The following C1QTNF7 variants were observed in gnomAD, a reference collection of about 807,000 sequenced individuals.
The protein encoded by C1QTNF7 is C1q and TNF related 7, also known as complement C1q tumor necrosis factor-related protein 7.
In C1QTNF7, 15 loss-of-function variants were observed where a neutral mutation model predicts 19.6. That is an observed-to-expected ratio of 0.76 (90% CI 0.51 to 1.18). The LOEUF (loss-of-function observed/expected upper bound fraction) is 1.18. Ranked by LOEUF, C1QTNF7 falls within the 50% of genes most tolerant of loss-of-function variation. C1QTNF7 has a pLI of 0.00. For synonymous variants in C1QTNF7, 142 were observed against 137.5 expected (o/e 1.03, Z -0.23); for missense variants, 324 against 359.7 (o/e 0.90, Z 0.80).
At chr4:15,430,485 C>A (rs1712254336) in intron 1 of C1QTNF7, among the ~76,000 whole-genome samples, 1 of 152,114 alleles carries the variant, frequency 6.6e-6, no homozygotes, top group African/African-American at 2.4e-5. Flanking sequence ...CTCATGAATT[C>A]AATTCAATGT....
At chr4:15,350,199 G>GAGGA (rs1259364931) in intron 1 of C1QTNF7, among the ~76,000 whole-genome samples, 6 of 109,852 alleles carry the variant, frequency 5.5e-5, no homozygotes, top group East Asian at 3.4e-4. Flanking sequence ...GGAAGGAAGG[G>GAGGA]AAGAAGGAAG....
At chr4:15,375,687 G>A (rs887102817) in intron 1 of C1QTNF7, among the ~76,000 whole-genome samples, 1 of 152,078 alleles carries the variant, frequency 6.6e-6, no homozygotes, top group Non-Finnish European at 1.5e-5. Flanking sequence ...TATGTCCCGA[G>A]TCCTCACACT....
chr4:15,375,054 T>C (rs1403399362), intron 1 of C1QTNF7, among the ~76,000 whole-genome samples: 1 of 151,814 alleles, frequency 6.6e-6, no homozygotes, highest in Non-Finnish European at 1.5e-5. Context: ...TAGCTATAGA[T>C]CCATACTCAA....
At chr4:15,426,854 C>T (rs1712075190), upstream of C1QTNF7, among the ~76,000 whole-genome samples, 1 of 152,186 alleles carries the variant, frequency 6.6e-6, no homozygotes, top group Admixed American at 6.5e-5. Context: ...CAGACACCAT[C>T]ATTTGGTTCG....
intron 1 of C1QTNF7, among the ~76,000 whole-genome samples, chr4:15,389,024 A>G (rs1318424357): frequency 2.0e-5 from 3 of 152,192 alleles, no homozygotes; most frequent in Non-Finnish European, 4.4e-5. Context: ...GGGGTGCAGG[A>G]GAGGAGGTGT....
chr4:15,416,180 G>T (rs1481988061), intron 1 of C1QTNF7, among the ~76,000 whole-genome samples: 1 of 152,124 alleles, frequency 6.6e-6, no homozygotes, highest in Non-Finnish European at 1.5e-5. Flanking sequence ...AAATGTGCCT[G>T]CTCTTTAATT....
chr4:15,412,933 C>T (rs1480377759), intron 1 of C1QTNF7, among the ~76,000 whole-genome samples: 7 of 152,172 alleles, frequency 4.6e-5, no homozygotes, highest in African/African-American at 2.4e-5. Context: ...GACTGTTCAC[C>T]TAACCCATTT....
intron 1 of C1QTNF7, among the ~76,000 whole-genome samples, chr4:15,364,315 T>A (rs773561621): frequency 5.3e-5 from 8 of 152,218 alleles, no homozygotes; most frequent in Non-Finnish European, 1.2e-4. Flanking sequence ...GTCTGTTGAA[T>A]GAATGAATCT....
At chr4:15,433,298 G>A (rs755646056) in intron 1 of C1QTNF7, among the ~76,000 whole-genome samples, 3 of 151,928 alleles carry the variant, frequency 2.0e-5, no homozygotes, top group Admixed American at 1.3e-4. Context: ...GATTACAGAC[G>A]TGAGCCACCA....
chr4:15,441,429 T>A (rs936307035), intron 2 of C1QTNF7, among the ~76,000 whole-genome samples: 8 of 152,252 alleles, frequency 5.3e-5, no homozygotes, highest in African/African-American at 1.9e-4. Flanking sequence ...TAATTTTGAT[T>A]AATTCTCTTA....
At chr4:15,434,854 T>C (rs1327675708) in intron 1 of C1QTNF7, among the ~76,000 whole-genome samples, 1 of 152,176 alleles carries the variant, frequency 6.6e-6, no homozygotes, top group African/African-American at 2.4e-5. Context: ...GCCCCAGTGC[T>C]AACAGCTTAA....
Position 15,413,593 on chromosome 4 carries a change from T to C in C1QTNF7, c.14-22143T>C, listed in dbSNP as rs114126733. Among the ~76,000 whole-genome samples the C allele has an allele frequency of 2.8e-3, 431 of 152,334 alleles. 2 individuals carry two copies. Among genetic ancestry groups the C allele is most frequent in the African/African-American group, 0.01 (418 of 41,578 alleles). On this transcript the variant is annotated intron_variant, in intron 1 of 2. Coordinates refer to the C1QTNF7 transcript ENST00000295297. ...TCTTTAAAAACTGATTTCTAACCAA[T>C]TTGTTGAGCTCTTTACTGCTGTACT...
intron 1 of C1QTNF7, among the ~76,000 whole-genome samples, chr4:15,364,768 G>A (rs955685572): frequency 6.6e-6 from 1 of 152,104 alleles, no homozygotes; most frequent in African/African-American, 2.4e-5. Flanking sequence ...TCATCCCATT[G>A]CATCAGTGGG....
intron 1 of C1QTNF7, among the ~76,000 whole-genome samples, chr4:15,361,827 A>G (rs1717354226): frequency 6.6e-6 from 1 of 152,182 alleles, no homozygotes; most frequent in Non-Finnish European, 1.5e-5. Context: ...GTTACATTTA[A>G]TTCCTTGAAA....
intron 1 of C1QTNF7, among the ~76,000 whole-genome samples, chr4:15,357,911 A>G (rs994738661): frequency 1.3e-5 from 2 of 152,160 alleles, no homozygotes; most frequent in Non-Finnish European, 2.9e-5. Context: ...ATAGGAATGC[A>G]TGTAATTTTT....
At chr4:15,393,867 C>A (rs1329621724) in intron 1 of C1QTNF7, among the ~76,000 whole-genome samples, 3 of 152,182 alleles carry the variant, frequency 2.0e-5, no homozygotes. Context: ...GTGAACCAGA[C>A]AGAAACTCTG....
At chr4:15,433,334 G>T (rs1712408195) in intron 1 of C1QTNF7, among the ~76,000 whole-genome samples, 1 of 151,890 alleles carries the variant, frequency 6.6e-6, no homozygotes, top group African/African-American at 2.4e-5. Context: ...TTCTGGGGAG[G>T]GGGGTGACTT....
chr4:15,433,470 T>A (rs556030307), intron 1 of C1QTNF7, among the ~76,000 whole-genome samples: 1 of 152,250 alleles, frequency 6.6e-6, no homozygotes, highest in South Asian at 2.1e-4. Flanking sequence ...GTATTAAAAT[T>A]CTTTAAAGAA....
chr4:15,340,165 C>G (rs955373934), exon 1 of C1QTNF7: 3 of 1,551,458 alleles, frequency 1.9e-6, no homozygotes, highest in South Asian at 2.4e-5. Context: ...AAGAAAGCCT[C>G]ATGTTTTGGG....
Sources: gnomAD v4.1 joint callset for allele counts (sites outside exome capture counted in the v4.1 genomes callset) on GRCh38, gnomAD v4.1.1 for gene constraint, MANE v1.5 for transcripts, NCBI Gene and HGNC (gene_info 2026-07-23, HGNC 2026-07-21) for gene names.